ZNF518A: variants seen among roughly 807,000 people sequenced by gnomAD.
ZNF518A encodes the protein zinc finger protein 518.
A neutral mutation model predicts 102.7 loss-of-function variants in ZNF518A; 47 were observed. That is an observed-to-expected ratio of 0.46 (90% confidence interval 0.36 to 0.58). The LOEUF is 0.58. ZNF518A is among the 20% of genes least tolerant of loss of function. The pLI is 0.00. For missense variants in ZNF518A, 1,793 were observed against 1,699.8 expected, an observed-to-expected ratio of 1.05 and a Z score of -0.96; for synonymous variants, 652 against 594.6, an observed-to-expected ratio of 1.10 and a Z score of -1.40.
At chr10:96,180,928 C>T (rs587713013) in intron 1 of ZNF518A, among the ~76,000 whole-genome samples, 51 of 152,274 alleles carry the variant, frequency 3.3e-4, no homozygotes, top group African/African-American at 1.2e-3. Flanking sequence ...ACACTGTCTT[C>T]CACAATGGTT....
chr10:96,140,578 C>T (rs2081867887), intron 3 of ZNF518A, among the ~76,000 whole-genome samples: 1 of 152,026 alleles, frequency 6.6e-6, no homozygotes, highest in African/African-American at 2.4e-5. Flanking sequence ...AATTCAATGG[C>T]TCTTATGTCA....
intron 3 of ZNF518A, among the ~76,000 whole-genome samples, chr10:96,152,578 C>T (rs1012213328): frequency 7.9e-5 from 12 of 152,120 alleles, no homozygotes; most frequent in African/African-American, 2.9e-4. Context: ...CCTTGTTTAA[C>T]GATGGGAATA....
In ZNF518A at chr10:96,157,969, T is replaced by G. The variant is rs61729859; in HGVS notation, c.1647T>G (p.Ser549Arg). 3.0e-4 allele frequency: 489 copies of G among 1,613,798 alleles called. 5 individuals are homozygous for G. The African/African-American group carries it at 5.4e-3, about 18-fold the overall frequency. ...TTCAAACAATGGATTATGAGAAAAG[T>G]GTATCTTCTTTGTCAGCAACATCAG... ...NMLQTMDYEK[S>R]VSSLSATSEL... The change falls in exon 6 of 6, where the codon AGT becomes AGG. Residue 549 changes from serine (S) to arginine (R), a missense_variant. This residue lies in a region of ZNF518A where 1,741 missense variants were observed against 1,622.6 expected (regional missense o/e 1.07). Coordinates refer to ENST00000316045, the MANE Select transcript of ZNF518A (RefSeq NM_001330736.2).
At chr10:96,166,238 T>TA (rs1250045885), downstream of ZNF518A, among the ~76,000 whole-genome samples, 10 of 152,208 alleles carry the variant, frequency 6.6e-5, no homozygotes, top group Admixed American at 5.9e-4. Context: ...CCATTCAGTG[T>TA]AATGGCTCAC....
chr10:96,137,881 A>T (rs888808917), intron 3 of ZNF518A, among the ~76,000 whole-genome samples: 1 of 152,118 alleles, frequency 6.6e-6, no homozygotes, highest in African/African-American at 2.4e-5. Context: ...TTGGATGTCA[A>T]ATAGACATCT....
downstream of ZNF518A, among the ~76,000 whole-genome samples, chr10:96,165,036 A>G (rs1554889825): frequency 1.3e-5 from 2 of 152,366 alleles, no homozygotes; most frequent in East Asian, 3.9e-4. Context: ...CTTGCTTTTA[A>G]TATCTTGGAA....
chr10:96,178,952 G>A (rs1478563383), intron 1 of ZNF518A, among the ~76,000 whole-genome samples: 2 of 151,990 alleles, frequency 1.3e-5, no homozygotes, highest in African/African-American at 4.8e-5. Flanking sequence ...CAGCCCAGAT[G>A]GCTTCATTGG....
rs1255118851 is a variant in ZNF518A, at chr10:96,185,372, TGGA to T, written n.36-18197_36-18195del. Among the ~76,000 whole-genome samples, 4 of 152,224 alleles carry T rather than the reference TGGA, an allele frequency of 2.6e-5. No homozygotes were observed. In the East Asian group the frequency reaches 7.7e-4, roughly 29 times the overall value. ...GGCGAGGAGAGGAGCTGCAATCCTTTGGAGGAGAAGAGGCACTCTGGCTTTCAA... is the reference window on the plus strand; with the variant it reads ...GGCGAGGAGAGGAGCTGCAATCCTTTGGAGAAGAGGCACTCTGGCTTTCAA... On this transcript the variant is annotated intron_variant and non_coding_transcript_variant, in intron 1 of 2. Coordinates refer to the ZNF518A transcript ENST00000442635.
intron 3 of ZNF518A, among the ~76,000 whole-genome samples, chr10:96,150,569 A>AT (rs1491162734): frequency 6.7e-6 from 1 of 150,298 alleles, no homozygotes; most frequent in East Asian, 1.9e-4. Flanking sequence ...CTTAGGTACA[A>AT]TTTTTTCTCA....
chr10:96,143,249 A>G (rs2082024503), intron 3 of ZNF518A, among the ~76,000 whole-genome samples: 1 of 152,046 alleles, frequency 6.6e-6, no homozygotes, highest in South Asian at 2.1e-4. Flanking sequence ...TACCCTTCTA[A>G]TATTTCTAAT....
At chr10:96,165,160 G>C (rs1554889885), downstream of ZNF518A, among the ~76,000 whole-genome samples, 2 of 152,166 alleles carry the variant, frequency 1.3e-5, no homozygotes, top group Non-Finnish European at 2.9e-5. Context: ...GTCTCACTCT[G>C]TTCCCCAGGC....
intron 3 of ZNF518A, among the ~76,000 whole-genome samples, chr10:96,154,418 C>T (rs1222556646): frequency 6.6e-6 from 1 of 151,376 alleles, no homozygotes; most frequent in Admixed American, 6.6e-5. Flanking sequence ...TCCTCCCTCC[C>T]TCCCTCCTTC....
intron 1 of ZNF518A, among the ~76,000 whole-genome samples, chr10:96,194,488 A>G (rs761948923): frequency 6.6e-6 from 1 of 152,210 alleles, no homozygotes; most frequent in Non-Finnish European, 1.5e-5. Context: ...AAAAAAGCAA[A>G]AATAGAGAAG....
chr10:96,139,245 A>G (rs1166596827), intron 3 of ZNF518A, among the ~76,000 whole-genome samples: 2 of 152,136 alleles, frequency 1.3e-5, no homozygotes, highest in Non-Finnish European at 2.9e-5. Flanking sequence ...AGGCCTTTGT[A>G]AAGAGATTAA....
In ZNF518A at chr10:96,156,486, T is replaced by C. The variant is rs1554882463; in HGVS notation, c.164T>C (p.Ile55Thr). ...AATGTGAAAATTGATTTGCCAAAAA[T>C]AAATATTCCAAATGAAGTCCTATTG... Reference protein sequence around the residue: ...LKNVKIDLPKINIPNEVLLKH... With the variant: ...LKNVKIDLPKTNIPNEVLLKH... The change falls in exon 6 of 6, where the codon ATA becomes ACA. Residue 55 changes from isoleucine to threonine, a missense_variant. Transcript: ENST00000316045. The C allele has an allele frequency of 6.2e-7, 1 of 1,611,056 alleles. No homozygotes were observed. Among genetic ancestry groups the C allele is most frequent in the Non-Finnish European group, 8.5e-7 (1 of 1,179,146 alleles).
chr10:96,145,407 C>T (rs1554878149), intron 3 of ZNF518A, among the ~76,000 whole-genome samples: 1 of 152,226 alleles, frequency 6.6e-6, no homozygotes, highest in African/African-American at 2.4e-5. Flanking sequence ...GCATACATAA[C>T]TGCTATTCTG....
chr10:96,191,779 C>T (rs1221033257), intron 1 of ZNF518A: 1 of 625,006 alleles, frequency 1.6e-6, no homozygotes, highest in Non-Finnish European at 2.8e-6. Context: ...AACAGTTCAT[C>T]AGGTCAGGCA....
chr10:96,175,921 TCC>T (rs2083201958), intron 1 of ZNF518A, among the ~76,000 whole-genome samples: 1 of 138,024 alleles, frequency 7.2e-6, no homozygotes, highest in Non-Finnish European at 1.6e-5. Flanking sequence ...CTTCCTTCCT[TCC>T]TTCCTTCCTT....
In ZNF518A at chr10:96,158,890, T is replaced by C. The variant is rs1281385934; in HGVS notation, c.2568T>C (p.Asn856=). The C allele has an allele frequency of 6.2e-7, 1 of 1,613,684 alleles. No individual in the cohort carries two copies. Among genetic ancestry groups the C allele is most frequent in the Non-Finnish European group, 8.5e-7 (1 of 1,179,712 alleles). ...TTAATGTGCCTACAAATGATTTGAA[T>C]TTGAAATTTGGAAAAGAAAAACAAG... ...VGINVPTNDL[N]LKFGKEKQVS... The change falls in exon 6 of 6, where the codon AAT becomes AAC. Residue 856 remains asparagine, a synonymous_variant. Coordinates refer to ENST00000316045, the MANE Select transcript of ZNF518A (RefSeq NM_001330736.2).
Sources: gnomAD v4.1 joint callset for allele counts (sites outside exome capture counted in the v4.1 genomes callset) on GRCh38, gnomAD v4.1.1 for gene constraint, gnomAD v4.1.1 regional missense constraint, MANE v1.5 for transcripts, NCBI Gene and HGNC (gene_info 2026-07-23, HGNC 2026-07-21) for gene names.